The following PDE3B variants were observed in gnomAD, a reference collection of about 807,000 sequenced individuals.
PDE3B encodes the protein phosphodiesterase 3B.
PDE3B carries 66 observed loss-of-function variants against 116.8 expected under a neutral mutation model. That is an observed-to-expected ratio of 0.56 (90% CI 0.46 to 0.69). PDE3B has a LOEUF of 0.69. PDE3B is among the 30% of genes least tolerant of loss of function. The probability of loss-of-function intolerance (pLI) is 0.00; values close to 1 mark genes in which losing one functional copy is unlikely to be tolerated. For synonymous variants in PDE3B, 595 were observed against 533.6 expected, an observed-to-expected ratio of 1.12 and a Z score of -1.59; for missense variants, 1,384 against 1,368.1, an observed-to-expected ratio of 1.01 and a Z score of -0.18.
At chr11:14,663,068 G>C (rs1268661282) in intron 1 of PDE3B, among the ~76,000 whole-genome samples, 1 of 152,032 alleles carries the variant, frequency 6.6e-6, no homozygotes, top group Admixed American at 6.5e-5. Flanking sequence ...GAAAGGTCGG[G>C]TTACCCACAA....
At chr11:14,667,876 G>C (rs1219742154) in intron 1 of PDE3B, among the ~76,000 whole-genome samples, 2 of 151,608 alleles carry the variant, frequency 1.3e-5, no homozygotes, top group Non-Finnish European at 2.9e-5. Flanking sequence ...ATTTTTGTCT[G>C]TTTTGTTCAC....
chr11:14,827,536 G>A (rs571410630), intron 7 of PDE3B, among the ~76,000 whole-genome samples: 2 of 152,134 alleles, frequency 1.3e-5, no homozygotes, highest in South Asian at 4.2e-4. Flanking sequence ...CAAAACAAGA[G>A]CCAAACCAGG....
At chr11:14,658,336 A>C (rs975832589) in intron 1 of PDE3B, among the ~76,000 whole-genome samples, 1 of 152,086 alleles carries the variant, frequency 6.6e-6, no homozygotes, top group African/African-American at 2.4e-5. Flanking sequence ...TAGACAACAT[A>C]TATTTTAATT....
intron 1 of PDE3B, among the ~76,000 whole-genome samples, chr11:14,763,488 G>A (rs989646492): frequency 6.6e-6 from 1 of 152,032 alleles, no homozygotes; most frequent in Non-Finnish European, 1.5e-5. Context: ...GTATGATCAT[G>A]ATAAAGGGGT....
intron 12 of PDE3B, among the ~76,000 whole-genome samples, chr11:14,856,082 A>G (rs573972187): frequency 1.3e-5 from 2 of 152,332 alleles, no homozygotes; most frequent in Admixed American, 1.3e-4. Context: ...TGATTAGACC[A>G]TGGGGGCAGG....
intron 1 of PDE3B, among the ~76,000 whole-genome samples, chr11:14,661,917 C>A (rs1853934533): frequency 1.3e-5 from 2 of 152,334 alleles, no homozygotes; most frequent in Non-Finnish European, 2.9e-5. Context: ...CCTCTGCAGA[C>A]TTAAATGTCC....
intron 1 of PDE3B, among the ~76,000 whole-genome samples, chr11:14,669,902 A>C (rs1160229243): frequency 6.6e-6 from 1 of 152,152 alleles, no homozygotes; most frequent in Non-Finnish European, 1.5e-5. Flanking sequence ...ATAGGCATAA[A>C]AATGAAAGCA....
At chr11:14,883,066 C>T in the PDE3B span, among the ~76,000 whole-genome samples, 1 of 152,328 alleles carries the variant, frequency 6.6e-6, no homozygotes, top group Non-Finnish European at 1.5e-5. Flanking sequence ...ATTCCATGCT[C>T]ATGGGTAGGA....
Position 14,797,711 on chromosome 11 carries a change from A to G in PDE3B, c.1416-6233A>G, listed in dbSNP as rs1226645351. Among the ~76,000 whole-genome samples, 3 of 152,290 alleles carry G rather than the reference A, an allele frequency of 2.0e-5. No individual in the cohort carries two copies. The East Asian group carries it at 5.8e-4, about 29-fold the overall frequency. On this transcript the variant is annotated intron_variant, in intron 4 of 15. Transcript: ENST00000282096. ...AACAAGTGTGAATGGGAGTTCACTC[A>G]TGATTTGGCTCTCTTGTTTGTCTGT...
intron 1 of PDE3B, among the ~76,000 whole-genome samples, chr11:14,665,539 C>T (rs921012327): frequency 6.6e-6 from 1 of 152,186 alleles, no homozygotes; most frequent in Non-Finnish European, 1.5e-5. Flanking sequence ...AGCCCAAAAT[C>T]TCCTTAAGCT....
chr11:14,770,961 G>C (rs944786656), intron 1 of PDE3B, among the ~76,000 whole-genome samples: 2 of 151,192 alleles, frequency 1.3e-5, no homozygotes, highest in Non-Finnish European at 3.0e-5. Flanking sequence ...CATTTTAAAG[G>C]GTTATAAAAC....
chr11:14,737,348 G>A (rs1856631210), intron 1 of PDE3B, among the ~76,000 whole-genome samples: 1 of 152,100 alleles, frequency 6.6e-6, no homozygotes, highest in South Asian at 2.1e-4. Flanking sequence ...CAGGCGCCCT[G>A]CCACTATGCC....
At chr11:14,761,417 A>T (rs1857356583) in intron 1 of PDE3B, among the ~76,000 whole-genome samples, 1 of 152,168 alleles carries the variant, frequency 6.6e-6, no homozygotes, top group Admixed American at 6.6e-5. Context: ...TATACCTGCC[A>T]TTTTGTAGTA....
intron 1 of PDE3B, among the ~76,000 whole-genome samples, chr11:14,764,452 C>G (rs1335886102): frequency 6.6e-6 from 1 of 152,012 alleles, no homozygotes; most frequent in Non-Finnish European, 1.5e-5. Flanking sequence ...TCAACTTCTC[C>G]ATATATAAAA....
At chr11:14,725,511 C>T (rs1162164701) in intron 1 of PDE3B, among the ~76,000 whole-genome samples, 1 of 74,084 alleles carries the variant, frequency 1.3e-5, no homozygotes, top group Non-Finnish European at 2.7e-5. Flanking sequence ...CTTCCCTTCC[C>T]CCTCCTTCTC....
intron 2 of PDE3B, 45 bp from the exon 3 acceptor site, chr11:14,786,392 A>G (rs774267156): frequency 6.9e-7 from 1 of 1,452,172 alleles, no homozygotes; most frequent in African/African-American, 1.4e-5. Flanking sequence ...TATATCATTT[A>G]TGCCATGTAC....
intron 5 of PDE3B, 47 bp from the exon 6 acceptor site, chr11:14,818,136 A>T (rs756658233): frequency 8.0e-7 from 1 of 1,257,536 alleles, no homozygotes; most frequent in South Asian, 1.3e-5. Context: ...ACATACACAC[A>T]TAAATACATT....
At chr11:14,799,652 C>G (rs150146019) in intron 4 of PDE3B, among the ~76,000 whole-genome samples, 1 of 150,934 alleles carries the variant, frequency 6.6e-6, no homozygotes, top group Non-Finnish European at 1.5e-5. Context: ...ATGGTTAGCT[C>G]TTTTGCATTT....
At chr11:14,804,925 T>A (rs892647208) in intron 5 of PDE3B, among the ~76,000 whole-genome samples, 1 of 151,980 alleles carries the variant, frequency 6.6e-6, no homozygotes, top group Non-Finnish European at 1.5e-5. Flanking sequence ...TACAACAGAA[T>A]ACAAAAGTAG....
Sources: gnomAD v4.1 joint callset for allele counts (sites outside exome capture counted in the v4.1 genomes callset) on GRCh38, gnomAD v4.1.1 for gene constraint, MANE v1.5 for transcripts, NCBI Gene and HGNC (gene_info 2026-07-23, HGNC 2026-07-21) for gene names.